NSFL1C: variants seen among roughly 807,000 people sequenced by gnomAD.
NSFL1C encodes the protein NSFL1 cofactor p47.
NSFL1C carries 14 observed loss-of-function variants against 43.1 expected under a neutral mutation model. That is an observed-to-expected ratio of 0.32 (90% CI 0.21 to 0.51). The LOEUF is 0.51. Among genes scored for constraint, NSFL1C ranks in the 20% least tolerant of loss-of-function variants. The probability of loss-of-function intolerance (pLI) is 0.98; values close to 1 mark genes in which losing one functional copy is unlikely to be tolerated. For synonymous variants in NSFL1C, 171 were observed against 183.5 expected (o/e 0.93, Z 0.55); for missense variants, 406 against 472.5 (o/e 0.86, Z 1.30).
chr20:1,464,489 T>C lies in NSFL1C; in HGVS notation c.106-63A>G, dbSNP rs999410340. ...GGCCTTCACCTAACGCACATCTCCTTTGAGCACAAAGGAATACAGACATGG... is the reference window on the plus strand; with the variant it reads ...GGCCTTCACCTAACGCACATCTCCTCTGAGCACAAAGGAATACAGACATGG... On this transcript the variant is annotated intron_variant, in intron 1 of 8. Transcript: ENST00000216879. 10 of 1,366,918 alleles carry C rather than the reference T, an allele frequency of 7.3e-6. No individual in the cohort carries two copies. The African/African-American group carries it at 1.0e-4, about 14-fold the overall frequency. 84.7% of individuals were successfully genotyped at this position (1,366,918 alleles called of 1,614,324 possible). A position where few individuals can be genotyped will look rare whatever the true frequency, so the allele number is the denominator to read the frequency against.
rs769610717 is a variant in NSFL1C at position 1,452,986 on chromosome 20, A to G, written c.647+45T>C. 4.0e-6 allele frequency: 4 copies of G among 1,003,024 alleles called. No homozygotes were observed. The African/African-American group carries it at 6.4e-5, about 16-fold the overall frequency. 62.1% of individuals were successfully genotyped at this position (1,003,024 alleles called of 1,614,324 possible). ...TCTGCCTCCTCCTTTCCCAACTGCT[A>G]TCCACTCACTGATTTGGGACCTACA... On this transcript the variant is annotated intron_variant, in intron 6 of 8. Transcript: ENST00000216879.
At chr20:1,456,171 C>A (rs2090296004) in intron 3 of NSFL1C, 2 of 186,194 alleles carry the variant, frequency 1.1e-5, no homozygotes, top group South Asian at 2.0e-4. Flanking sequence ...CAGGCCCCGA[C>A]AAGGACAACA....
chr20:1,464,245 C>T, intron 2 of NSFL1C, 84 bp downstream of exon 2: 1 of 1,200,904 alleles, frequency 8.3e-7, no homozygotes, highest in East Asian at 2.3e-5. Flanking sequence ...GTCCACACAC[C>T]CAGGCCTGAA....
chr20:1,454,738 A>G (rs1314710465), intron 4 of NSFL1C, among the ~76,000 whole-genome samples: 1 of 152,246 alleles, frequency 6.6e-6, no homozygotes, highest in Non-Finnish European at 1.5e-5. Context: ...GCCAAACAAA[A>G]CATGTATGCA....
intron 5 of NSFL1C, 40 bp from the exon 6 acceptor site, chr20:1,453,180 A>G (rs777038112): frequency 4.3e-6 from 5 of 1,167,540 alleles, no homozygotes; most frequent in Non-Finnish European, 6.4e-6. Context: ...GGGATCTGGC[A>G]AGCATACCAA....
intron 2 of NSFL1C, 87 bp downstream of exon 2, chr20:1,464,242 C>T (rs774800896): frequency 1.4e-4 from 162 of 1,138,832 alleles, no homozygotes; most frequent in Non-Finnish European, 2.0e-4. Context: ...CTGGTCCACA[C>T]ACCCAGGCCT....
At chr20:1,448,389 T>C (rs1380242039) in intron 7 of NSFL1C, among the ~76,000 whole-genome samples, 1 of 152,220 alleles carries the variant, frequency 6.6e-6, no homozygotes, top group Non-Finnish European at 1.5e-5. Context: ...GCTGTTCTGT[T>C]GTGAGGATGA....
chr20:1,449,172 G>C (rs890363227), intron 7 of NSFL1C, among the ~76,000 whole-genome samples: 1 of 152,048 alleles, frequency 6.6e-6, no homozygotes, highest in African/African-American at 2.4e-5. Flanking sequence ...GATTAAAACA[G>C]GATTAAAGAA....
chr20:1,450,822 A>T (rs2090167078), intron 7 of NSFL1C, among the ~76,000 whole-genome samples: 2 of 152,246 alleles, frequency 1.3e-5, no homozygotes, highest in African/African-American at 4.8e-5. Flanking sequence ...AACAGCAAGG[A>T]CTGGTTAAAT....
At chr20:1,466,679 A>T in intron 1 of NSFL1C, 41 bp downstream of exon 1, 1 of 1,509,514 alleles carries the variant, frequency 6.6e-7, no homozygotes, top group Non-Finnish European at 8.9e-7. Context: ...CGCTCCCAGC[A>T]GTCCCCGGCC....
Position 1,466,825 on chromosome 20 carries a change from C to T in NSFL1C, c.-1G>A, listed in dbSNP as rs773615002. 26 of 1,535,466 alleles carry T rather than the reference C, an allele frequency of 1.7e-5. No individual in the cohort carries two copies. The highest frequency in any genetic ancestry group is 2.3e-5 in the Non-Finnish European group (26 of 1,143,370). On this transcript the variant is annotated 5_prime_UTR_variant, in exon 1 of 9. Coordinates refer to ENST00000216879, the MANE Select transcript of NSFL1C (RefSeq NM_016143.5). ...GCGCCTCCTGTCGCTCCGCCGCCAT[C>T]TTCGCCCCGTGCGCCTTCCAAAGCG...
At position 1,453,043 on chromosome 20, in the gene NSFL1C, G is replaced by A; in HGVS notation, c.635C>T (p.Ser212Phe). The A allele has an allele frequency of 1.9e-6, 3 of 1,604,962 alleles. No homozygotes were observed. Among genetic ancestry groups the A allele is most frequent in the South Asian group, 1.1e-5 (1 of 90,918 alleles). ...QDPSNAQFLE[S>F]IRRGEVPAEL... ...CTTTTTCACTCACCCTCTGCGGATA[G>A]ACTCCAGAAACTGGGCATTGGATGG... The change falls in exon 6 of 9, where the codon TCT (serine) becomes TTT (phenylalanine). Residue 212 changes from serine (S) to phenylalanine (F), a missense_variant. Physicochemically the swap from Ser to Phe is radical, Grantham distance 155. Transcript: ENST00000216879.
chr20:1,465,170 G>A (rs573943903), intron 1 of NSFL1C, among the ~76,000 whole-genome samples: 5 of 152,216 alleles, frequency 3.3e-5, no homozygotes, highest in Non-Finnish European at 5.9e-5. Context: ...TCAACGGACA[G>A]GCATTCACTA....
intron 2 of NSFL1C, among the ~76,000 whole-genome samples, chr20:1,458,737 G>T (rs189355652): frequency 6.6e-5 from 10 of 152,040 alleles, no homozygotes; most frequent in Non-Finnish European, 1.0e-4. Flanking sequence ...TGGGGCTGCT[G>T]GGGAAAAGGG....
chr20:1,458,940 T>C (rs1445396009), intron 2 of NSFL1C, among the ~76,000 whole-genome samples: 1 of 152,184 alleles, frequency 6.6e-6, no homozygotes, highest in African/African-American at 2.4e-5. Context: ...CAGTGTTGTA[T>C]GGGATGGGCA....
In NSFL1C at chr20:1,445,936, G is replaced by A. The variant is rs541594272; in HGVS notation, c.786-106C>T. On this transcript the variant is annotated intron_variant, in intron 7 of 8. Coordinates refer to ENST00000216879, the MANE Select transcript of NSFL1C (RefSeq NM_016143.5). ...GAGCATTTGCAATGCGCCTGGCATT[G>A]TTTGGTGCTGCTGATCTATTGACCC... 525 of 1,213,108 alleles carry A rather than the reference G, an allele frequency of 4.3e-4. 7 individuals carry two copies. In the South Asian group the frequency reaches 6.9e-3, roughly 16 times the overall value. The allele number at this position is 1,213,108 out of a possible 1,614,324, so 75.1% of individuals were successfully genotyped here.
chr20:1,453,585 A>G (rs1244779063), intron 5 of NSFL1C, among the ~76,000 whole-genome samples: 1 of 152,232 alleles, frequency 6.6e-6, no homozygotes, highest in Non-Finnish European at 1.5e-5. Flanking sequence ...AAGGGTCTAG[A>G]AGGCTAAAAA....
intron 2 of NSFL1C, among the ~76,000 whole-genome samples, chr20:1,463,732 C>T (rs763606134): frequency 5.4e-4 from 82 of 152,294 alleles, no homozygotes; most frequent in Middle Eastern, 3.4e-3. Flanking sequence ...ACAGGAAGCA[C>T]CCCTGCCTGT....
At chr20:1,448,752 A>T (rs2090123922) in intron 7 of NSFL1C, among the ~76,000 whole-genome samples, 1 of 152,206 alleles carries the variant, frequency 6.6e-6, no homozygotes, top group Non-Finnish European at 1.5e-5. Context: ...TTACAGATGA[A>T]GAAACTGAGG....
Sources: gnomAD v4.1 joint callset for allele counts (sites outside exome capture counted in the v4.1 genomes callset) on GRCh38, gnomAD v4.1.1 for gene constraint, MANE v1.5 for transcripts, NCBI Gene and HGNC (gene_info 2026-07-23, HGNC 2026-07-21) for gene names.